Variants in MORC1 observed in about 807,000 individuals in gnomAD.
MORC1 encodes the protein MORC family CW-type zinc finger protein 1.
In MORC1, 59 loss-of-function variants were observed where a neutral mutation model predicts 134.9. The ratio of observed to expected loss-of-function variants is 0.44; its 90% CI spans 0.35 to 0.54. MORC1 has a LOEUF of 0.54. MORC1 is among the 20% of genes least tolerant of loss of function. MORC1 has a pLI of 0.00. For synonymous variants in MORC1, 395 were observed against 391.7 expected (o/e 1.01, Z -0.10); for missense variants, 947 against 1,134.5 (o/e 0.83, Z 2.37).
intron 14 of MORC1, among the ~76,000 whole-genome samples, chr3:109,047,099 G>A (rs779524486): frequency 6.6e-6 from 1 of 152,138 alleles, no homozygotes; most frequent in Non-Finnish European, 1.5e-5. Flanking sequence ...TGCATTGTGA[G>A]CTGCTTTATT....
chr3:109,002,995 T>C (rs920222340), intron 20 of MORC1, among the ~76,000 whole-genome samples: 2 of 152,156 alleles, frequency 1.3e-5, no homozygotes, highest in South Asian at 2.1e-4. Context: ...CTTCTACCAA[T>C]GTAATTACAT....
chr3:109,117,275 G>A (rs1007266076), intron 1 of MORC1, among the ~76,000 whole-genome samples: 1 of 145,554 alleles, frequency 6.9e-6, no homozygotes, highest in African/African-American at 2.5e-5. Flanking sequence ...TTTCAAATTT[G>A]GTACATCCCT....
intron 3 of MORC1, chr3:109,110,455 T>C (rs748973654): frequency 6.8e-5 from 21 of 310,252 alleles, no homozygotes; most frequent in Non-Finnish European, 1.2e-4. Context: ...TAATATACTT[T>C]TTAAAAATAA....
intron 21 of MORC1, among the ~76,000 whole-genome samples, chr3:108,992,103 AT>A (rs1157009290): frequency 6.6e-6 from 1 of 152,156 alleles, no homozygotes; most frequent in Non-Finnish European, 1.5e-5. Flanking sequence ...GCATGCTACT[AT>A]CTCAATCACA....
chr3:109,102,343 A>C (rs1162613423), intron 4 of MORC1, among the ~76,000 whole-genome samples: 2 of 152,166 alleles, frequency 1.3e-5, no homozygotes, highest in African/African-American at 4.8e-5. Flanking sequence ...AATTGTATTA[A>C]GTAATGGAAA....
intron 19 of MORC1, 52 bp downstream of exon 19, chr3:109,005,018 G>T: frequency 6.3e-7 from 1 of 1,581,094 alleles, no homozygotes; most frequent in South Asian, 1.2e-5. Context: ...TTGACTGAAT[G>T]CTATTTCCAG....
intron 8 of MORC1, among the ~76,000 whole-genome samples, chr3:109,092,981 C>T: frequency 6.6e-6 from 1 of 152,102 alleles, no homozygotes; most frequent in Non-Finnish European, 1.5e-5. Context: ...TTCCTTTTTG[C>T]TTCACACTAT....
At chr3:108,986,845 A>AATAT in intron 22 of MORC1, 35 bp downstream of exon 22, 12 of 1,244,386 alleles carry the variant, frequency 9.6e-6, no homozygotes, top group Non-Finnish European at 1.3e-5. Context: ...CATTATAGCT[A>AATAT]ATATATATAT....
At chr3:108,999,156 C>T (rs1948324557) in intron 21 of MORC1, among the ~76,000 whole-genome samples, 1 of 152,162 alleles carries the variant, frequency 6.6e-6, no homozygotes, top group Non-Finnish European at 1.5e-5. Flanking sequence ...TAAATTTTGA[C>T]CCTTTTCCTT....
At chr3:109,082,308 GAAAAC>G (rs1298678168) in intron 8 of MORC1, among the ~76,000 whole-genome samples, 1 of 150,450 alleles carries the variant, frequency 6.6e-6, no homozygotes, top group Non-Finnish European at 1.5e-5. Context: ...CATACCCAGT[GAAAAC>G]AAAACAAAAC....
intron 21 of MORC1, among the ~76,000 whole-genome samples, chr3:108,989,155 T>C (rs1290126670): frequency 6.6e-6 from 1 of 152,206 alleles, no homozygotes; most frequent in African/African-American, 2.4e-5. Flanking sequence ...AAACAGACAG[T>C]TGTTTTTTCG....
At chr3:108,984,625 T>C in intron 23 of MORC1, 91 bp downstream of exon 23, 1 of 1,010,684 alleles carries the variant, frequency 9.9e-7, no homozygotes, top group East Asian at 2.9e-5. Flanking sequence ...GTTGCTATTA[T>C]TTCCTTTCTT....
chr3:109,017,726 A>T (rs1327607194), intron 17 of MORC1, among the ~76,000 whole-genome samples: 1 of 152,230 alleles, frequency 6.6e-6, no homozygotes, highest in Non-Finnish European at 1.5e-5. Context: ...TTACTTAATG[A>T]GTAGCTGTTT....
chr3:109,111,067 A>C (rs1217483518), intron 2 of MORC1, among the ~76,000 whole-genome samples: 6 of 150,822 alleles, frequency 4.0e-5, no homozygotes, highest in African/African-American at 9.7e-5. Context: ...AAAAAAAAAA[A>C]ACAAAAAAAG....
intron 21 of MORC1, among the ~76,000 whole-genome samples, chr3:108,991,046 C>A (rs1304672910): frequency 1.3e-5 from 2 of 152,080 alleles, no homozygotes; most frequent in African/African-American, 4.8e-5. Flanking sequence ...AGGGTGGCTA[C>A]AGTAGACTAA....
chr3:109,031,478 A>G (rs1039441271), intron 16 of MORC1, among the ~76,000 whole-genome samples: 2 of 152,180 alleles, frequency 1.3e-5, no homozygotes, highest in African/African-American at 4.8e-5. Flanking sequence ...GAAAGTTCTT[A>G]GTTCATGGTA....
chr3:109,100,332 T>C, intron 5 of MORC1, 85 bp downstream of exon 5: 2 of 1,058,294 alleles, frequency 1.9e-6, no homozygotes. Flanking sequence ...AAGCTTTACA[T>C]GCCTGCATCA....
At chr3:109,075,071 T>C (rs1223667367) in intron 8 of MORC1, among the ~76,000 whole-genome samples, 1 of 152,214 alleles carries the variant, frequency 6.6e-6, no homozygotes, top group Non-Finnish European at 1.5e-5. Context: ...AGATCTGATG[T>C]CCATGTTTTC....
chr3:108,960,361 A>G (rs1308603256), intron 27 of MORC1, among the ~76,000 whole-genome samples: 1 of 152,184 alleles, frequency 6.6e-6, no homozygotes, highest in Non-Finnish European at 1.5e-5. Context: ...CTTTCAATGG[A>G]GATTTTAGAC....
Sources: allele counts gnomAD v4.1 joint callset (sites outside exome capture counted in the v4.1 genomes callset), GRCh38; gene constraint gnomAD v4.1.1; transcripts MANE v1.5; gene names NCBI Gene and HGNC (gene_info 2026-07-23, HGNC 2026-07-21).